Variants in PCDHGB4 observed in about 807,000 individuals in gnomAD.
PCDHGB4 encodes the protein protocadherin gamma-B4.
In PCDHGB4, 38 loss-of-function variants were observed where a neutral mutation model predicts 60.5. The observed-to-expected ratio is 0.63, with a 90% CI of 0.48 to 0.82. The LOEUF is 0.82. PCDHGB4 is among the 40% of genes least tolerant of loss of function. The pLI is 0.00. For synonymous variants in PCDHGB4, 456 were observed against 509.7 expected (o/e 0.89, Z 1.42); for missense variants, 1,109 against 1,209.6 (o/e 0.92, Z 1.23).
At position 141,423,606 on chromosome 5, in the gene PCDHGB4, G is replaced by A. The variant is rs945897368; in HGVS notation, c.2397+33325G>A. 9 of 1,612,046 alleles carry A rather than the reference G, an allele frequency of 5.6e-6. No individual in the cohort carries two copies. In the Admixed American group the frequency reaches 1.0e-4, roughly 18 times the overall value. On this transcript the variant is annotated intron_variant, in intron 1 of 3. Transcript: ENST00000519479. ...GCTGTGAGAAAAGCGAGCCACTCTT[G>A]ATAGCTGAAGACTCAGCTATCATTT...
chr5:141,462,051 G>A (rs1370612703), intron 1 of PCDHGB4, among the ~76,000 whole-genome samples: 2 of 152,068 alleles, frequency 1.3e-5, no homozygotes, highest in African/African-American at 4.8e-5. Context: ...TTGAACTCCC[G>A]ACCTCAGGTG....
chr5:141,427,991 C>T (rs748924488), intron 1 of PCDHGB4: 1 of 1,599,024 alleles, frequency 6.3e-7, no homozygotes, highest in Non-Finnish European at 8.6e-7. Context: ...GGCCCGATGG[C>T]TCCGCACTCT....
chr5:141,499,268 G>C (rs564234341), intron 2 of PCDHGB4, among the ~76,000 whole-genome samples: 1 of 152,224 alleles, frequency 6.6e-6, no homozygotes, highest in South Asian at 2.1e-4. Flanking sequence ...TTGGTCCCTA[G>C]ACTGTTCTCT....
chr5:141,491,938 C>A lies in PCDHGB4; in HGVS notation c.2398-2869C>A, dbSNP rs1207647899. Reference sequence around the variant, plus strand: ...TGTGGGCGAGGGGAGGTGGGACCGACCCCCACCCCTACACTCAAAAAAGGC... The same window carrying A: ...TGTGGGCGAGGGGAGGTGGGACCGAACCCCACCCCTACACTCAAAAAAGGC... On this transcript the variant is annotated intron_variant, in intron 1 of 3. Transcript: ENST00000519479. This position sits in a 1 kb window ranked among gnomAD's most constrained non-coding sequence, Gnocchi z 6.9. 1.7e-6 allele frequency: 2 copies of A among 1,199,072 alleles called. No homozygotes were observed. The highest frequency in any genetic ancestry group is 3.1e-5 in the Admixed American group (1 of 32,246). The allele number at this position is 1,199,072 out of a possible 1,614,324, so 74.3% of individuals were successfully genotyped here. A position where few individuals can be genotyped will look rare whatever the true frequency, so the allele number is the denominator to read the frequency against.
rs1561617548 is a variant in PCDHGB4, at chr5:141,388,040, G to T, written c.156G>T (p.Thr52=). The T allele has an allele frequency of 7.1e-7, 1 of 1,412,752 alleles. No individual in the cohort carries two copies. Among genetic ancestry groups the T allele is most frequent in the East Asian group, 2.5e-5 (1 of 40,372 alleles). 87.5% of individuals were successfully genotyped at this position (1,412,752 alleles called of 1,614,324 possible). ...PKGSVVGNLA[T]DLGFSVQELP... is the part of the protein sequence containing the mutation. ...GCTCCGTAGTGGGGAACCTCGCCAC[G>T]GACCTGGGGTTCAGCGTCCAGGAGT... Residue 52 remains threonine (T), a synonymous_variant, in exon 1 of 4, where the codon ACG becomes ACT. Transcript: ENST00000519479.
Position 141,491,000 on chromosome 5 carries a change from C to T in PCDHGB4, c.2398-3807C>T. 6.2e-7 allele frequency: 1 copy of T among 1,614,142 alleles called. No homozygotes were observed. The highest frequency in any genetic ancestry group is 1.1e-5 in the South Asian group (1 of 91,086). On this transcript the variant is annotated intron_variant, in intron 1 of 3. Transcript: ENST00000519479. The surrounding 1 kb of genome is among the most constrained non-coding windows in gnomAD (Gnocchi z 5.4). ...CTCCCTCGCTCTGCTCCTCCTGGCTCCTTGGTCACCAAGGTGACAGCCGTG... is the reference window on the plus strand; with the variant it reads ...CTCCCTCGCTCTGCTCCTCCTGGCTTCTTGGTCACCAAGGTGACAGCCGTG...
intron 1 of PCDHGB4, chr5:141,415,938 C>T (rs1351429284): frequency 3.4e-6 from 2 of 588,200 alleles, no homozygotes; most frequent in East Asian, 4.2e-5. Context: ...ATATTTCCTC[C>T]TGGGTGGTCA....
intron 1 of PCDHGB4, chr5:141,408,498 G>A (rs934521153): frequency 1.7e-5 from 27 of 1,613,634 alleles, no homozygotes; most frequent in Non-Finnish European, 2.3e-5. Flanking sequence ...TGCAAAGAGA[G>A]AAGAAGATGT....
Position 141,418,242 on chromosome 5 carries a change from A to T in PCDHGB4, c.2397+27961A>T, listed in dbSNP as rs779996033. ...ATTGTGGTGATTGAGGATGTTAATG[A>T]CCACGCCCCTCAATTCCGGAAAGAT... On this transcript the variant is annotated intron_variant, in intron 1 of 3. Transcript: ENST00000519479. The T allele has an allele frequency of 3.7e-6, 6 of 1,613,896 alleles. No individual in the cohort carries two copies. The East Asian group carries it at 1.3e-4, about 36-fold the overall frequency.
intron 1 of PCDHGB4, chr5:141,399,034 C>T: frequency 6.2e-7 from 1 of 1,613,796 alleles, no homozygotes; most frequent in Non-Finnish European, 8.5e-7. Context: ...TCAAAAGAAA[C>T]TGGATTTTGA....
chr5:141,499,881 T>A (rs2099795027), intron 2 of PCDHGB4, among the ~76,000 whole-genome samples: 1 of 152,082 alleles, frequency 6.6e-6, no homozygotes, highest in African/African-American at 2.4e-5. Flanking sequence ...ACAAACAGGG[T>A]TTCGCCATGT....
chr5:141,431,036 G>A lies in PCDHGB4; in HGVS notation c.2397+40755G>A. The A allele has an allele frequency of 6.2e-7, 1 of 1,614,204 alleles. No individual in the cohort carries two copies. Among genetic ancestry groups the A allele is most frequent in the Non-Finnish European group, 8.5e-7 (1 of 1,180,034 alleles). ...GGTCACGGCGGGCAGGATAGACCGG[G>A]AGGAGCTCTGTATGGGGGCCATCAA... On this transcript the variant is annotated intron_variant, in intron 1 of 3. Coordinates refer to ENST00000519479, the MANE Select transcript of PCDHGB4 (RefSeq NM_003736.4). This position sits in a 1 kb window ranked among gnomAD's most constrained non-coding sequence, Gnocchi z 4.8.
At chr5:141,398,506 A>G (rs2093664607) in intron 1 of PCDHGB4, 1 of 1,601,998 alleles carries the variant, frequency 6.2e-7, no homozygotes, top group South Asian at 1.1e-5. Context: ...CGAGGACATT[A>G]ATGACCACAC....
chr5:141,436,998 A>G (rs985067199), intron 1 of PCDHGB4, among the ~76,000 whole-genome samples: 23 of 152,242 alleles, frequency 1.5e-4, no homozygotes, highest in South Asian at 2.1e-4. Flanking sequence ...GTTTACTTCA[A>G]TGGGATCTTA....
Position 141,390,204 on chromosome 5 carries a change from G to A in PCDHGB4, c.2320G>A (p.Gly774Arg). 6.2e-7 allele frequency: 1 copy of A among 1,614,036 alleles called. No individual in the cohort carries two copies. The highest frequency in any genetic ancestry group is 8.5e-7 in the Non-Finnish European group (1 of 1,179,904). Residue 774 changes from glycine to arginine, a missense_variant, in exon 1 of 4, where the codon GGA becomes AGA. Gly to Arg is a moderately radical substitution (Grantham distance 125). Transcript: ENST00000519479. Reference protein sequence around the residue: ...FLKCSEQLSSGQDILCGDSSG... With the variant: ...FLKCSEQLSSRQDILCGDSSG... ...AAAATGTAGTGAGCAGTTGAGTTCAGGACAAGACATACTTTGCGGTGATTC... is the reference window on the plus strand; with the variant it reads ...AAAATGTAGTGAGCAGTTGAGTTCAAGACAAGACATACTTTGCGGTGATTC...
chr5:141,397,992 C>T (rs1449951628), intron 1 of PCDHGB4: 3 of 1,349,734 alleles, frequency 2.2e-6, no homozygotes, highest in Non-Finnish European at 3.0e-6. Context: ...ACACCGCTTC[C>T]TCCTCGGAAA....
chr5:141,458,512 T>TG (rs2098947554), intron 1 of PCDHGB4, among the ~76,000 whole-genome samples: 2 of 150,084 alleles, frequency 1.3e-5, no homozygotes, highest in African/African-American at 5.0e-5. Context: ...TTTGACACTT[T>TG]GTTTTTTTTT....
At chr5:141,464,982 T>A (rs914697541) in intron 1 of PCDHGB4, among the ~76,000 whole-genome samples, 1 of 152,030 alleles carries the variant, frequency 6.6e-6, no homozygotes, top group Non-Finnish European at 1.5e-5. Context: ...CTTCAAGTGA[T>A]CCTCCCACCT....
intron 1 of PCDHGB4, chr5:141,399,154 G>T (rs780620346): frequency 1.2e-6 from 2 of 1,613,850 alleles, no homozygotes; most frequent in South Asian, 1.1e-5. Context: ...TAGCCCAGAA[G>T]TTACATTCCA....
Sources: gnomAD v4.1 joint callset for allele counts (sites outside exome capture counted in the v4.1 genomes callset) on GRCh38, gnomAD v4.1.1 for gene constraint, Gnocchi (gnomAD v3.1) non-coding constraint, MANE v1.5 for transcripts, NCBI Gene and HGNC (gene_info 2026-07-23, HGNC 2026-07-21) for gene names.